Variants in RPA1 observed in about 807,000 individuals in gnomAD.
RPA1 encodes replication protein A 70 kDa DNA-binding subunit.
Under a neutral mutation model 83.0 loss-of-function variants are expected in RPA1, and 49 were observed. That is an observed-to-expected ratio of 0.59 (90% CI 0.47 to 0.75). The LOEUF (loss-of-function observed/expected upper bound fraction) is 0.75, where lower values mean the gene tolerates loss of function less well. Among genes scored for constraint, RPA1 ranks in the 30% least tolerant of loss-of-function variants. The pLI, the probability that RPA1 is intolerant of heterozygous loss-of-function variation, is 0.00. For synonymous variants in RPA1, 279 were observed against 281.8 expected (o/e 0.99, Z 0.10); for missense variants, 693 against 776.1 (o/e 0.89, Z 1.27).
intron 1 of RPA1, among the ~76,000 whole-genome samples, chr17:1,840,073 T>G (rs1911988141): frequency 6.6e-6 from 1 of 151,302 alleles, no homozygotes; most frequent in South Asian, 2.1e-4. Context: ...TCCCTTTGCA[T>G]ACACTGAAGT....
At chr17:1,836,808 C>T (rs1490325104) in intron 1 of RPA1, among the ~76,000 whole-genome samples, 2 of 150,658 alleles carry the variant, frequency 1.3e-5, no homozygotes, top group African/African-American at 2.4e-5. Context: ...ACTACAAGTG[C>T]ATGCCACCAC....
chr17:1,888,922 T>G, intron 14 of RPA1, 71 bp downstream of exon 14: 1 of 1,514,006 alleles, frequency 6.6e-7, no homozygotes, highest in Non-Finnish European at 9.0e-7. Context: ...GGCACTGTGG[T>G]CACAACAGTA....
In RPA1 at chr17:1,877,126, A is replaced by G. The variant is rs1273884606; in HGVS notation, c.588-86A>G. On this transcript the variant is annotated intron_variant, in intron 7 of 16. Transcript: ENST00000254719. ...GGTTGGAAAACGGAATATGCGTAAG[A>G]CGAGAAAGGCTGTAGGAAGATGATT... 3.1e-6 allele frequency: 4 copies of G among 1,274,886 alleles called. No homozygotes were observed. In the African/African-American group the frequency reaches 5.9e-5, roughly 19 times the overall value. 79.0% of individuals were successfully genotyped at this position (1,274,886 alleles called of 1,614,324 possible).
intron 15 of RPA1, among the ~76,000 whole-genome samples, chr17:1,892,151 C>T (rs1214851278): frequency 6.6e-6 from 1 of 152,030 alleles, no homozygotes; most frequent in Non-Finnish European, 1.5e-5. Context: ...GGATGACAGG[C>T]ACCCGCCACG....
intron 2 of RPA1, 59 bp from the exon 3 acceptor site, chr17:1,843,861 T>A (rs1912153303): frequency 6.9e-7 from 1 of 1,442,868 alleles, no homozygotes; most frequent in Admixed American, 1.7e-5. Flanking sequence ...CACTTCGGTT[T>A]ACGTATCCCT....
chr17:1,881,481 C>T (rs17292175), intron 12 of RPA1, among the ~76,000 whole-genome samples: 49,616 of 152,084 alleles, frequency 0.33, 10,400 homozygotes, highest in Non-Finnish European at 0.48. Flanking sequence ...CATGAAGCAT[C>T]TTCTGGAATG....
chr17:1,840,480 G>T (rs370884163), intron 1 of RPA1, among the ~76,000 whole-genome samples: 1 of 152,012 alleles, frequency 6.6e-6, no homozygotes, highest in Non-Finnish European at 1.5e-5. Context: ...CAGAGACAGG[G>T]TTTCACCGTG....
intron 1 of RPA1, among the ~76,000 whole-genome samples, chr17:1,832,130 C>T (rs1249789354): frequency 1.3e-5 from 2 of 151,586 alleles, no homozygotes; most frequent in Non-Finnish European, 2.9e-5. Context: ...GGGGTTTCAC[C>T]ATGTTGCCCA....
At chr17:1,832,177 C>T (rs992440180) in intron 1 of RPA1, among the ~76,000 whole-genome samples, 3 of 151,062 alleles carry the variant, frequency 2.0e-5, no homozygotes, top group African/African-American at 7.3e-5. Context: ...GTGATCCACC[C>T]TCCTCGGCCT....
At chr17:1,876,441 G>A (rs1415892701) in intron 7 of RPA1, among the ~76,000 whole-genome samples, 5 of 152,114 alleles carry the variant, frequency 3.3e-5, no homozygotes, top group Admixed American at 6.5e-5. Flanking sequence ...TGTAATCCCC[G>A]CTACTCAGGA....
In RPA1 at chr17:1,853,156, G is replaced by A; in HGVS notation, c.328G>A (p.Val110Met). The A allele has an allele frequency of 1.9e-6, 3 of 1,614,152 alleles. No homozygotes were observed. The highest frequency in any genetic ancestry group is 2.5e-6 in the Non-Finnish European group (3 of 1,179,998). Residue 110 changes from valine to methionine, a missense_variant, in exon 5 of 17, where the codon GTG becomes ATG. Physicochemically the swap from Val to Met is conservative, Grantham distance 21. Coordinates refer to ENST00000254719, the MANE Select transcript of RPA1 (RefSeq NM_002945.5). ...EVLKSAEAVG[V>M]KIGNPVPYNE... ...TTTGAAGTCAGCTGAAGCAGTTGGA[G>A]TGAAGATTGGCAATCCAGTGCCCTA...
chr17:1,830,207 G>A (rs1377683066), intron 1 of RPA1, 81 bp downstream of exon 1: 2 of 1,073,800 alleles, frequency 1.9e-6, no homozygotes, highest in Non-Finnish European at 2.4e-6. Flanking sequence ...GGGGAGGGGA[G>A]CCCGGGGCGA....
At chr17:1,844,725 A>T (rs1912194049) in intron 4 of RPA1, 39 bp downstream of exon 4, 1 of 1,485,300 alleles carries the variant, frequency 6.7e-7, no homozygotes, top group Non-Finnish European at 9.3e-7. Flanking sequence ...TGTATCGTAG[A>T]ATGGGAACAA....
intron 14 of RPA1, among the ~76,000 whole-genome samples, chr17:1,889,429 G>A (rs1019636047): frequency 3.3e-5 from 5 of 151,394 alleles, no homozygotes; most frequent in Admixed American, 6.6e-5. Flanking sequence ...CCAACCTCCC[G>A]GGCTTAAGCA....
intron 4 of RPA1, among the ~76,000 whole-genome samples, chr17:1,850,548 A>AG (rs397857349): frequency 1.3e-5 from 2 of 148,236 alleles, no homozygotes; most frequent in Non-Finnish European, 3.0e-5. Context: ...AAAAAAAAAA[A>AG]GGATTGCCTA....
intron 3 of RPA1, 143 bp downstream of exon 3, chr17:1,844,141 G>A: frequency 1.5e-6 from 1 of 648,612 alleles, no homozygotes; most frequent in Admixed American, 3.0e-5. Flanking sequence ...AATTGCAGCT[G>A]TCAGAGAGCA....
At chr17:1,844,457 A>T in intron 3 of RPA1, 121 bp from the exon 4 acceptor site, 1 of 665,308 alleles carries the variant, frequency 1.5e-6, no homozygotes, top group Non-Finnish European at 2.7e-6. Flanking sequence ...GCAGAGTCTG[A>T]CTAGTTTTAA....
intron 7 of RPA1, among the ~76,000 whole-genome samples, chr17:1,876,111 T>C (rs533889293): frequency 6.6e-6 from 1 of 152,308 alleles, no homozygotes; most frequent in East Asian, 1.9e-4. Context: ...AAAATAAATA[T>C]TTCTGATAAT....
intron 5 of RPA1, among the ~76,000 whole-genome samples, chr17:1,860,451 G>A (rs1033405467): frequency 6.6e-6 from 1 of 152,206 alleles, no homozygotes; most frequent in Non-Finnish European, 1.5e-5. Flanking sequence ...TGGCCATTGT[G>A]TATACTTTCT....
Sources: gnomAD v4.1 joint callset for allele counts (sites outside exome capture counted in the v4.1 genomes callset) on GRCh38, gnomAD v4.1.1 for gene constraint, MANE v1.5 for transcripts, NCBI Gene and HGNC (gene_info 2026-07-23, HGNC 2026-07-21) for gene names.